Variants in CNBD1 observed in about 807,000 individuals in gnomAD.
CNBD1 encodes the protein cyclic nucleotide-binding domain-containing protein 1.
CNBD1 carries 71 observed loss-of-function variants against 54.4 expected under a neutral mutation model. The ratio of observed to expected loss-of-function variants is 1.30; its 90% CI spans 1.08 to 1.59. The LOEUF is 1.59. CNBD1 is among the 40% of genes most tolerant of loss of function. The pLI is 0.00. For missense variants in CNBD1, 659 were observed against 518.0 expected (o/e 1.27, Z -2.64); for synonymous variants, 182 against 170.7 (o/e 1.07, Z -0.51).
At chr8:87,054,922 A>G (rs145948163) in intron 4 of CNBD1, among the ~76,000 whole-genome samples, 2 of 152,318 alleles carry the variant, frequency 1.3e-5, no homozygotes, top group East Asian at 1.9e-4. Context: ...AAGTTACCCT[A>G]TTGGCTTTTA....
At chr8:87,074,438 G>C (rs1040940677) in intron 4 of CNBD1, among the ~76,000 whole-genome samples, 5 of 152,122 alleles carry the variant, frequency 3.3e-5, no homozygotes, top group African/African-American at 1.2e-4. Flanking sequence ...TGTACAGACA[G>C]ATCTCCCACC....
At chr8:87,092,373 A>G (rs989448198) in intron 4 of CNBD1, among the ~76,000 whole-genome samples, 88 of 140,712 alleles carry the variant, frequency 6.3e-4, no homozygotes, top group African/African-American at 8.7e-4. Context: ...GTGTGTATGT[A>G]TGTGTGTGTG....
intron 3 of CNBD1, among the ~76,000 whole-genome samples, chr8:86,934,968 C>T (rs1204327242): frequency 1.3e-5 from 2 of 152,076 alleles, no homozygotes; most frequent in African/African-American, 4.8e-5. Flanking sequence ...TTGCTGGAAA[C>T]TACATATGAC....
At chr8:87,255,569 AAT>A (rs1478137614) in intron 6 of CNBD1, among the ~76,000 whole-genome samples, 1 of 152,026 alleles carries the variant, frequency 6.6e-6, no homozygotes, top group African/African-American at 2.4e-5. Context: ...TTTTTAAAAA[AAT>A]ACTAAAAATA....
At chr8:87,075,284 T>C (rs1256433850) in intron 4 of CNBD1, among the ~76,000 whole-genome samples, 3 of 152,216 alleles carry the variant, frequency 2.0e-5, no homozygotes, top group Non-Finnish European at 4.4e-5. Context: ...CAGTTCTTTA[T>C]TGAACTGCTT....
intron 8 of CNBD1, among the ~76,000 whole-genome samples, chr8:87,301,949 A>G (rs1163352355): frequency 2.0e-5 from 3 of 152,198 alleles, no homozygotes; most frequent in Non-Finnish European, 4.4e-5. Flanking sequence ...AAGAATTTGA[A>G]TCTCTGAATA....
chr8:87,324,144 G>C (rs1235918478), intron 8 of CNBD1, among the ~76,000 whole-genome samples: 4 of 124,188 alleles, frequency 3.2e-5, no homozygotes, highest in Non-Finnish European at 7.2e-5. Context: ...TGCATCCCAG[G>C]GATGAAGCCC....
chr8:87,327,638 G>A (rs1433369513), intron 8 of CNBD1, among the ~76,000 whole-genome samples: 1 of 152,198 alleles, frequency 6.6e-6, no homozygotes, highest in Non-Finnish European at 1.5e-5. Flanking sequence ...CCCAGGTGAG[G>A]CAGTGCCTCG....
At chr8:87,261,322 C>G (rs189684887) in intron 6 of CNBD1, among the ~76,000 whole-genome samples, 1 of 152,028 alleles carries the variant, frequency 6.6e-6, no homozygotes, top group Non-Finnish European at 1.5e-5. Flanking sequence ...AGGTACCTTG[C>G]GGGTTCAGTG....
intron 2 of CNBD1, among the ~76,000 whole-genome samples, chr8:86,896,307 A>C (rs4641086): frequency 0.91 from 138,551 of 152,134 alleles, 63,134 homozygotes; most frequent in East Asian, 1. Context: ...CAATCTTTAT[A>C]AAAGTACCAA....
chr8:87,344,686 G>T (rs1563562245), intron 8 of CNBD1, among the ~76,000 whole-genome samples: 1 of 151,428 alleles, frequency 6.6e-6, no homozygotes, highest in Non-Finnish European at 1.5e-5. Context: ...AAATTAATCA[G>T]GTACGTCATT....
chr8:87,190,425 C>T (rs1003146803), intron 4 of CNBD1, among the ~76,000 whole-genome samples: 1 of 152,110 alleles, frequency 6.6e-6, no homozygotes, highest in African/African-American at 2.4e-5. Flanking sequence ...GCTGATTCCT[C>T]CATGCCATCT....
chr8:86,942,418 A>G (rs2130430893), intron 4 of CNBD1, among the ~76,000 whole-genome samples: 1 of 152,246 alleles, frequency 6.6e-6, no homozygotes, highest in South Asian at 2.1e-4. Flanking sequence ...GGCTGTGACC[A>G]TTTCTGGAGC....
At chr8:87,162,896 G>C (rs1432107786) in intron 4 of CNBD1, among the ~76,000 whole-genome samples, 1 of 152,020 alleles carries the variant, frequency 6.6e-6, no homozygotes, top group Non-Finnish European at 1.5e-5. Flanking sequence ...AGGTCACAAG[G>C]ACTCCTTCCC....
intron 8 of CNBD1, among the ~76,000 whole-genome samples, chr8:87,305,494 G>T (rs554300219): frequency 6.6e-6 from 1 of 152,224 alleles, no homozygotes; most frequent in South Asian, 2.1e-4. Flanking sequence ...CACACTACCT[G>T]ATTTCAAACT....
intron 8 of CNBD1, among the ~76,000 whole-genome samples, chr8:87,301,076 C>G (rs1211415853): frequency 2.6e-5 from 4 of 152,030 alleles, no homozygotes; most frequent in Non-Finnish European, 5.9e-5. Context: ...AACACCTTTA[C>G]ATACATAAAC....
chr8:86,937,384 GC>G (rs1809568175), intron 3 of CNBD1, among the ~76,000 whole-genome samples: 2 of 152,130 alleles, frequency 1.3e-5, no homozygotes, highest in Middle Eastern at 3.4e-3. Context: ...TCTGACTCTG[GC>G]CCCTCCAAAA....
intron 4 of CNBD1, among the ~76,000 whole-genome samples, chr8:87,158,012 ATTCT>A (rs1431741633): frequency 6.6e-6 from 1 of 152,040 alleles, no homozygotes; most frequent in Non-Finnish European, 1.5e-5. Flanking sequence ...TATACTACTG[ATTCT>A]TTTTTTAATG....
intron 4 of CNBD1, among the ~76,000 whole-genome samples, chr8:86,957,947 G>T (rs1807822167): frequency 6.6e-6 from 1 of 152,096 alleles, no homozygotes; most frequent in African/African-American, 2.4e-5. Context: ...GATCTTTCCT[G>T]CTTTCTCTTG....
Sources: gnomAD v4.1 joint callset for allele counts (sites outside exome capture counted in the v4.1 genomes callset) on GRCh38, gnomAD v4.1.1 for gene constraint, MANE v1.5 for transcripts, NCBI Gene and HGNC (gene_info 2026-07-23, HGNC 2026-07-21) for gene names.